The following DCC variants were observed in gnomAD, a reference collection of about 807,000 sequenced individuals.
The protein encoded by DCC is netrin receptor DCC.
A neutral mutation model predicts 172.5 loss-of-function variants in DCC; 58 were observed. That is an observed-to-expected ratio of 0.34 (90% confidence interval 0.27 to 0.42). The LOEUF is 0.42. DCC is among the 10% of genes least tolerant of loss of function. The pLI is 1.00. For synonymous variants in DCC, 709 were observed against 644.5 expected (o/e 1.10, Z -1.52); for missense variants, 1,740 against 1,791.0 (o/e 0.97, Z 0.51).
chr18:52,926,781 C>G (rs12962795), intron 5 of DCC, among the ~76,000 whole-genome samples: 1 of 147,168 alleles, frequency 6.8e-6, no homozygotes, highest in Non-Finnish European at 1.5e-5. Flanking sequence ...AAATTAGTCT[C>G]TATATATATA....
intron 1 of DCC, among the ~76,000 whole-genome samples, chr18:52,544,111 A>T (rs986329256): frequency 2.6e-5 from 4 of 152,210 alleles, no homozygotes; most frequent in African/African-American, 9.7e-5. Context: ...GTTCTGAGGG[A>T]CAGGAGAACA....
At chr18:53,252,789 A>G (rs919379165) in intron 12 of DCC, among the ~76,000 whole-genome samples, 4 of 151,990 alleles carry the variant, frequency 2.6e-5, no homozygotes, top group African/African-American at 9.7e-5. Context: ...CTAAAGCCCT[A>G]AGTTGGGTTA....
intron 12 of DCC, among the ~76,000 whole-genome samples, chr18:53,252,259 T>A (rs1047883884): frequency 4.6e-5 from 7 of 151,882 alleles, no homozygotes; most frequent in Non-Finnish European, 8.8e-5. Flanking sequence ...ATTTACATAC[T>A]GCATAGGATT....
chr18:52,908,519 A>C (rs116399124), intron 3 of DCC, among the ~76,000 whole-genome samples: 1,566 of 152,324 alleles, frequency 0.01, 30 homozygotes, highest in African/African-American at 0.036. Context: ...ATTGGCAAGC[A>C]TATGTTTATC....
intron 2 of DCC, among the ~76,000 whole-genome samples, chr18:52,790,933 C>T (rs1026533494): frequency 1.3e-5 from 2 of 152,146 alleles, no homozygotes; most frequent in Non-Finnish European, 2.9e-5. Context: ...CCTTTACTTG[C>T]CTAAGGTCCT....
chr18:53,391,580 C>T, intron 16 of DCC, 75 bp from the exon 17 acceptor site: 1 of 934,870 alleles, frequency 1.1e-6, no homozygotes, highest in East Asian at 2.4e-5. Context: ...GATGTGTTAC[C>T]ACTGATATTT....
At chr18:53,187,744 T>C (rs1376619036) in intron 9 of DCC, among the ~76,000 whole-genome samples, 2 of 152,254 alleles carry the variant, frequency 1.3e-5, no homozygotes, top group Non-Finnish European at 2.9e-5. Flanking sequence ...TCTTACATTA[T>C]GTTACTTTAA....
intron 12 of DCC, among the ~76,000 whole-genome samples, chr18:53,302,798 G>A (rs1405715819): frequency 1.3e-5 from 2 of 152,016 alleles, no homozygotes; most frequent in Admixed American, 1.3e-4. Context: ...TTCTAATATC[G>A]AGTGTTGTTG....
At chr18:52,912,571 T>C (rs2039985943) in intron 3 of DCC, among the ~76,000 whole-genome samples, 1 of 152,060 alleles carries the variant, frequency 6.6e-6, no homozygotes, top group Non-Finnish European at 1.5e-5. Flanking sequence ...GCTACATGAT[T>C]TTACCTTTCT....
intron 8 of DCC, among the ~76,000 whole-genome samples, chr18:53,164,501 A>G (rs528371188): frequency 2.0e-4 from 31 of 152,340 alleles, no homozygotes; most frequent in African/African-American, 7.2e-4. Context: ...TATAGCCAAA[A>G]GGGTAAGGCT....
rs532713137 is a variant in DCC at position 52,594,787 on chromosome 18, C to T, written c.92-157267C>T. ...AGAGCGTAGCAAGGGAGATGCAACA[C>T]GCTTCACCAGATCTTGTGAGTACTC... On this transcript the variant is annotated intron_variant, in intron 1 of 28. Transcript: ENST00000442544. Among the ~76,000 whole-genome samples, 12 of 152,200 alleles carry T rather than the reference C, an allele frequency of 7.9e-5. No individual in the cohort carries two copies. In the South Asian group the frequency reaches 1.2e-3, roughly 16 times the overall value.
At chr18:52,808,257 T>C (rs532252941) in intron 2 of DCC, among the ~76,000 whole-genome samples, 1 of 152,310 alleles carries the variant, frequency 6.6e-6, no homozygotes, top group African/African-American at 2.4e-5. Flanking sequence ...ATCAGAATTA[T>C]TAGTTTGATG....
At chr18:52,748,165 G>C (rs565577544) in intron 1 of DCC, among the ~76,000 whole-genome samples, 6 of 152,170 alleles carry the variant, frequency 3.9e-5, no homozygotes, top group Admixed American at 6.5e-5. Context: ...GCTGCAGTGC[G>C]GCAGGCAGCT....
rs192498470 is a variant in DCC, at chr18:53,300,784, T to A, written c.1912-4794T>A. On this transcript the variant is annotated intron_variant, in intron 12 of 28. Transcript: ENST00000442544. ...AAGTAAATGCAAATTTAGATTATATTTTTTTTCTTCTCTCAGAGAAACTTA... is the reference window on the plus strand; with the variant it reads ...AAGTAAATGCAAATTTAGATTATATATTTTTTCTTCTCTCAGAGAAACTTA... 2.6e-5 allele frequency among the ~76,000 whole-genome samples: 4 copies of A among 151,956 alleles called. No individual in the cohort carries two copies. The East Asian group carries it at 7.8e-4, about 29-fold the overall frequency.
intron 5 of DCC, among the ~76,000 whole-genome samples, chr18:53,001,425 A>T (rs2041563000): frequency 6.6e-6 from 1 of 152,130 alleles, no homozygotes; most frequent in Admixed American, 6.6e-5. Flanking sequence ...TTTTAAAATG[A>T]ATCTAAATAA....
chr18:53,090,282 T>A (rs1284227511), intron 7 of DCC, among the ~76,000 whole-genome samples: 3 of 152,224 alleles, frequency 2.0e-5, no homozygotes, highest in Middle Eastern at 3.4e-3. Context: ...ACTCTAACAG[T>A]CCATGAGGCC....
chr18:53,150,161 T>C (rs1568332683), intron 7 of DCC, among the ~76,000 whole-genome samples: 1 of 152,202 alleles, frequency 6.6e-6, no homozygotes, highest in Non-Finnish European at 1.5e-5. Flanking sequence ...CAAAATAAAA[T>C]GTTCTCACCC....
chr18:52,818,755 G>C (rs1024202608), intron 2 of DCC, among the ~76,000 whole-genome samples: 3 of 152,132 alleles, frequency 2.0e-5, no homozygotes, highest in Non-Finnish European at 4.4e-5. Flanking sequence ...AAAACATTCA[G>C]GGAATAACAT....
chr18:52,393,238 A>T (rs144449629), intron 1 of DCC, among the ~76,000 whole-genome samples: 156 of 152,224 alleles, frequency 1.0e-3, no homozygotes, highest in African/African-American at 3.5e-3. Context: ...ACAGAGGGTT[A>T]TTGTATCAAT....
Sources: gnomAD v4.1 joint callset for allele counts (sites outside exome capture counted in the v4.1 genomes callset) on GRCh38, gnomAD v4.1.1 for gene constraint, MANE v1.5 for transcripts, NCBI Gene and HGNC (gene_info 2026-07-23, HGNC 2026-07-21) for gene names.